RBM47: variants seen among roughly 807,000 people sequenced by gnomAD.
The protein encoded by RBM47 is RNA binding motif protein 47.
RBM47 carries 21 observed loss-of-function variants against 47.1 expected under a neutral mutation model. The ratio of observed to expected loss-of-function variants is 0.45; its 90% CI spans 0.32 to 0.64. RBM47 has a LOEUF of 0.64. RBM47 is among the 30% of genes least tolerant of loss of function. The pLI, the probability that RBM47 is intolerant of heterozygous loss-of-function variation, is 0.05. For synonymous variants in RBM47, 375 were observed against 361.7 expected, an observed-to-expected ratio of 1.04 and a Z score of -0.42; for missense variants, 708 against 870.9, an observed-to-expected ratio of 0.81 and a Z score of 2.35.
intron 6 of RBM47, chr4:40,427,486 G>A (rs1022789443): frequency 1.3e-5 from 2 of 152,222 alleles, no homozygotes; most frequent in Non-Finnish European, 2.9e-5. Context: ...GAAGACTGTG[G>A]TTCAGTATTT....
intron 1 of RBM47, among the ~76,000 whole-genome samples, chr4:40,591,304 C>A (rs74587195): frequency 0.021 from 3,219 of 152,156 alleles, 54 homozygotes; most frequent in South Asian, 0.043. Context: ...CTACTAAATG[C>A]CACAGAATTG....
At chr4:40,507,135 T>G (rs550349377) in intron 2 of RBM47, among the ~76,000 whole-genome samples, 1 of 152,128 alleles carries the variant, frequency 6.6e-6, no homozygotes, top group East Asian at 2.0e-4. Flanking sequence ...TTGTATATTT[T>G]TAGTAGAGAC....
At chr4:40,445,729 C>T (rs1227930793) in intron 3 of RBM47, among the ~76,000 whole-genome samples, 1 of 152,192 alleles carries the variant, frequency 6.6e-6, no homozygotes, top group Non-Finnish European at 1.5e-5. Flanking sequence ...CATAGTTCCC[C>T]AAGTTAAAAG....
At chr4:40,595,907 C>T (rs1734709652) in intron 1 of RBM47, among the ~76,000 whole-genome samples, 2 of 149,652 alleles carry the variant, frequency 1.3e-5, no homozygotes, top group African/African-American at 5.0e-5. Flanking sequence ...TTCGTCCCCC[C>T]TGCCAAAAAA....
chr4:40,478,004 ATGTT>A (rs1316849331), intron 2 of RBM47, among the ~76,000 whole-genome samples: 1 of 123,724 alleles, frequency 8.1e-6, no homozygotes, highest in Non-Finnish European at 1.6e-5. Context: ...GCCATGTGGC[ATGTT>A]CTTTTTTTTT....
chr4:40,426,771 T>TA (rs1419506136), intron 6 of RBM47: 2 of 152,396 alleles, frequency 1.3e-5, no homozygotes, highest in Non-Finnish European at 2.9e-5. Flanking sequence ...TGTTATTTTT[T>TA]ATTGTCTTTA....
chr4:40,492,820 G>A (rs1722067398), intron 2 of RBM47, among the ~76,000 whole-genome samples: 1 of 152,096 alleles, frequency 6.6e-6, no homozygotes, highest in Non-Finnish European at 1.5e-5. Context: ...AGTGTGCAGT[G>A]TGATGAGGAT....
intron 3 of RBM47, among the ~76,000 whole-genome samples, chr4:40,464,878 A>G (rs1173656257): frequency 3.1e-5 from 4 of 130,318 alleles, no homozygotes; most frequent in Middle Eastern, 3.4e-3. Flanking sequence ...GCGACAGAGC[A>G]AGACTCTGTC....
intron 2 of RBM47, among the ~76,000 whole-genome samples, chr4:40,507,139 T>C (rs1272376757): frequency 6.6e-6 from 1 of 150,956 alleles, no homozygotes; most frequent in Non-Finnish European, 1.5e-5. Flanking sequence ...ATATTTTTAG[T>C]AGAGACACGG....
At position 40,568,428 on chromosome 4, in the gene RBM47, CAAAAAAAAA is replaced by C. The variant is rs35434439; in HGVS notation, c.-239-23931_-239-23923del. Among the ~76,000 whole-genome samples, 526 of 57,592 alleles carry C rather than the reference CAAAAAAAAA, an allele frequency of 9.1e-3. 7 individuals carry two copies. Among genetic ancestry groups the C allele is most frequent in the African/African-American group, 0.03 (490 of 16,076 alleles). The allele number at this position is 57,592 out of a possible 152,430, so 37.8% of individuals were successfully genotyped here. A position where few individuals can be genotyped will look rare whatever the true frequency, so the allele number is the denominator to read the frequency against. On this transcript the variant is annotated intron_variant, in intron 1 of 6. Transcript: ENST00000295971. ...TAGGTAACATGGTAAAACCCTGTCTCAAAAAAAAAAAAAAAAAAAAAAAAAAAGGGTGGT... is the reference window on the plus strand; with the variant it reads ...TAGGTAACATGGTAAAACCCTGTCTCAAAAAAAAAAAAAAAAAAGGGTGGT...
At position 40,511,932 on chromosome 4, in the gene RBM47, C is replaced by A. The variant is rs564167080; in HGVS notation, c.-155+32490G>T. ...CCTGGGGGACACAGTAAGACTCTGT[C>A]TCAAAAAAAAAAAAAAGAAAAGAAA... On this transcript the variant is annotated intron_variant, in intron 2 of 6. Transcript: ENST00000295971. Among the ~76,000 whole-genome samples the A allele has an allele frequency of 2.9e-5, 4 of 140,090 alleles. No homozygotes were observed. In the Admixed American group the frequency reaches 2.9e-4, roughly 10 times the overall value. The allele number at this position is 140,090 out of a possible 152,430, so 91.9% of individuals were successfully genotyped here. A position where few individuals can be genotyped will look rare whatever the true frequency, so the allele number is the denominator to read the frequency against.
chr4:40,526,789 C>CTTTTTTTTTT (rs540484622), intron 2 of RBM47, among the ~76,000 whole-genome samples: 3 of 61,624 alleles, frequency 4.9e-5, no homozygotes, highest in Admixed American at 2.3e-4. Context: ...CAGTTTGGTT[C>CTTTTTTTTTT]TTTTTTTTTT....
intron 2 of RBM47, among the ~76,000 whole-genome samples, chr4:40,524,002 G>A (rs1367287083): frequency 6.6e-6 from 1 of 152,066 alleles, no homozygotes; most frequent in African/African-American, 2.4e-5. Flanking sequence ...ACAATGTTTG[G>A]GAAATACTTG....
At chr4:40,469,583 G>A (rs1461915414) in intron 2 of RBM47, among the ~76,000 whole-genome samples, 6 of 151,522 alleles carry the variant, frequency 4.0e-5, no homozygotes, top group African/African-American at 7.3e-5. Flanking sequence ...ACAGGTGTGC[G>A]TCACCATGCC....
In RBM47 at chr4:40,486,103, T is replaced by C. The variant is rs547415928; in HGVS notation, c.-154-19404A>G. Reference sequence around the variant, plus strand: ...AAAAAAAAAAAAAAAAAAAAGAGCTTAGTGTGAAGAGTTTAGAAACTAAAT... The same window carrying C: ...AAAAAAAAAAAAAAAAAAAAGAGCTCAGTGTGAAGAGTTTAGAAACTAAAT... On this transcript the variant is annotated intron_variant, in intron 2 of 6. Transcript: ENST00000295971. Among the ~76,000 whole-genome samples the C allele has an allele frequency of 1.3e-4, 18 of 140,756 alleles. 1 individual carries two copies. The highest frequency in any genetic ancestry group is 4.6e-4 in the African/African-American group (17 of 36,668). 92.3% of individuals were successfully genotyped at this position (140,756 alleles called of 152,430 possible).
intron 2 of RBM47, among the ~76,000 whole-genome samples, chr4:40,481,445 GTATTAT>G (rs71647001): frequency 0.036 from 4,631 of 126,924 alleles, 125 homozygotes; most frequent in African/African-American, 0.06. Flanking sequence ...GCTAATTTTT[GTATTAT>G]TATTATTATT....
At chr4:40,426,562 C>T (rs1465756351) in intron 6 of RBM47, among the ~76,000 whole-genome samples, 1 of 152,082 alleles carries the variant, frequency 6.6e-6, no homozygotes, top group Non-Finnish European at 1.5e-5. Context: ...TTCATAGAGA[C>T]AAGGTCTCAC....
At chr4:40,544,784 C>A (rs996788063) in intron 1 of RBM47, among the ~76,000 whole-genome samples, 6 of 152,050 alleles carry the variant, frequency 3.9e-5, no homozygotes, top group African/African-American at 1.5e-4. Flanking sequence ...CTTACTATGA[C>A]AAAGAGAGAA....
intron 1 of RBM47, among the ~76,000 whole-genome samples, chr4:40,610,045 C>G (rs1736118500): frequency 6.6e-6 from 1 of 151,938 alleles, no homozygotes; most frequent in African/African-American, 2.4e-5. Flanking sequence ...GACCCGAGAT[C>G]ACGCCACTGC....
Sources: allele counts gnomAD v4.1 joint callset (sites outside exome capture counted in the v4.1 genomes callset), GRCh38; gene constraint gnomAD v4.1.1; transcripts MANE v1.5; gene names NCBI Gene and HGNC (gene_info 2026-07-23, HGNC 2026-07-21).